The following TBL1XR1 variants were observed in gnomAD, a reference collection of about 807,000 sequenced individuals.
TBL1XR1 encodes F-box-like/WD repeat-containing protein TBL1XR1.
A neutral mutation model predicts 66.9 loss-of-function variants in TBL1XR1; 5 were observed. The ratio of observed to expected loss-of-function variants is 0.07; its 90% CI spans 0.04 to 0.16. TBL1XR1 has a LOEUF of 0.16. TBL1XR1 is among the 10% of genes least tolerant of loss of function. The probability of loss-of-function intolerance (pLI) is 1.00; values close to 1 mark genes in which losing one functional copy is unlikely to be tolerated. For missense variants in TBL1XR1, 238 were observed against 623.2 expected (o/e 0.38, Z 6.58); for synonymous variants, 210 against 206.0 (o/e 1.02, Z -0.17).
chr3:177,153,786 A>G (rs902857207), intron 1 of TBL1XR1, among the ~76,000 whole-genome samples: 5 of 151,264 alleles, frequency 3.3e-5, no homozygotes, highest in African/African-American at 1.2e-4. Flanking sequence ...TTGAGGCAGG[A>G]GAATCACTTG....
upstream of TBL1XR1, among the ~76,000 whole-genome samples, chr3:177,199,409 T>C (rs2109035347): frequency 6.6e-6 from 1 of 151,790 alleles, no homozygotes; most frequent in East Asian, 1.9e-4. Flanking sequence ...ATAAATGACG[T>C]AGATATCACT....
At chr3:177,032,758 CAAT>C (rs1238795300) in intron 14 of TBL1XR1, 2 of 387,910 alleles carry the variant, frequency 5.2e-6, no homozygotes, top group South Asian at 1.2e-4. Flanking sequence ...CAAAAGAATA[CAAT>C]AATAAATAAT....
chr3:177,035,565 C>T (rs937420267), intron 12 of TBL1XR1, among the ~76,000 whole-genome samples: 10 of 152,096 alleles, frequency 6.6e-5, no homozygotes, highest in African/African-American at 2.4e-4. Flanking sequence ...AGGCACCTGC[C>T]GCCACGCTCG....
At chr3:177,196,113 G>A (rs1417075813) in intron 1 of TBL1XR1, among the ~76,000 whole-genome samples, 1 of 152,142 alleles carries the variant, frequency 6.6e-6, no homozygotes, top group African/African-American at 2.4e-5. Flanking sequence ...ACTGCGAAGT[G>A]ATGCCTGTTT....
At chr3:177,065,125 G>T (rs543790242) in intron 2 of TBL1XR1, 103 bp from the exon 3 acceptor site, 4 of 748,126 alleles carry the variant, frequency 5.3e-6, no homozygotes, top group Non-Finnish European at 7.7e-6. Flanking sequence ...GATGTAAAAC[G>T]AAGGTTCTAC....
chr3:177,141,206 G>GCTTGGGGA (rs1162248366), intron 1 of TBL1XR1, among the ~76,000 whole-genome samples: 1 of 152,138 alleles, frequency 6.6e-6, no homozygotes, highest in African/African-American at 2.4e-5. Flanking sequence ...CCTCTAGAAA[G>GCTTGGGGA]CTTGGGGATG....
intron 7 of TBL1XR1, 194 bp from the exon 8 acceptor site, chr3:177,047,743 T>G: frequency 1.8e-6 from 1 of 570,964 alleles, no homozygotes; most frequent in African/African-American, 1.9e-5. Context: ...ACTAATGTTG[T>G]ATGGGGGCCT....
At chr3:177,139,740 A>T (rs1424572814) in intron 1 of TBL1XR1, among the ~76,000 whole-genome samples, 1 of 152,154 alleles carries the variant, frequency 6.6e-6, no homozygotes, top group Non-Finnish European at 1.5e-5. Context: ...AAGACATGCA[A>T]AAGTGGAGAA....
At chr3:177,040,263 C>T (rs570990345) in intron 10 of TBL1XR1, among the ~76,000 whole-genome samples, 3 of 152,234 alleles carry the variant, frequency 2.0e-5, no homozygotes, top group African/African-American at 7.2e-5. Flanking sequence ...TGCAGTGAGC[C>T]GTGATTGCAC....
At chr3:177,147,830 C>T (rs1005786525) in intron 1 of TBL1XR1, among the ~76,000 whole-genome samples, 6 of 152,154 alleles carry the variant, frequency 3.9e-5, no homozygotes, top group African/African-American at 1.4e-4. Context: ...ATAGGAGGTC[C>T]TGTAGGGAGA....
At chr3:177,151,441 A>G (rs1374037278) in intron 1 of TBL1XR1, among the ~76,000 whole-genome samples, 1 of 152,200 alleles carries the variant, frequency 6.6e-6, no homozygotes, top group Non-Finnish European at 1.5e-5. Flanking sequence ...CTACAGCATT[A>G]GATTCTCACA....
chr3:177,030,311 TAA>T (rs1713793836), intron 14 of TBL1XR1, among the ~76,000 whole-genome samples: 1 of 151,644 alleles, frequency 6.6e-6, no homozygotes, highest in East Asian at 1.9e-4. Flanking sequence ...ATGAATATAT[TAA>T]TATATTCATA....
chr3:177,139,862 T>C lies in TBL1XR1; in HGVS notation c.-121-41321A>G, dbSNP rs1211053389. On this transcript the variant is annotated intron_variant, in intron 1 of 15. Coordinates refer to ENST00000457928, the MANE Select transcript of TBL1XR1 (RefSeq NM_024665.7). The stretch of plus-strand genomic sequence containing the variant: ...ATTAAAAACAAATTAAAAATACCTG[T>C]AGTAACTGGAGTCTCACCAGTAAAA... Among the ~76,000 whole-genome samples, 4 of 152,252 alleles carry C rather than the reference T, an allele frequency of 2.6e-5. No individual in the cohort carries two copies. In the South Asian group the frequency reaches 8.3e-4, roughly 32 times the overall value.
intron 1 of TBL1XR1, among the ~76,000 whole-genome samples, chr3:177,100,291 T>A (rs1477768045): frequency 6.6e-6 from 1 of 152,246 alleles, no homozygotes; most frequent in Non-Finnish European, 1.5e-5. Flanking sequence ...ATTATTTATT[T>A]ACAGTGCTAT....
Position 177,192,780 on chromosome 3 carries a change from T to C in TBL1XR1, c.-122+4341A>G, listed in dbSNP as rs142811418. On this transcript the variant is annotated intron_variant, in intron 1 of 15. Coordinates refer to ENST00000457928, the MANE Select transcript of TBL1XR1 (RefSeq NM_024665.7). ...GGATGCTTAGAATGTCAACCATTGT[T>C]CTAAGTACCTCTCACACACTAACTG... is the stretch of plus-strand genomic sequence containing the variant. 9.8e-5 allele frequency among the ~76,000 whole-genome samples: 15 copies of C among 152,334 alleles called. No individual in the cohort carries two copies. In the East Asian group the frequency reaches 2.9e-3, roughly 29 times the overall value.
chr3:177,138,678 C>T (rs554518267), intron 1 of TBL1XR1, among the ~76,000 whole-genome samples: 3 of 151,978 alleles, frequency 2.0e-5, no homozygotes, highest in South Asian at 2.1e-4. Flanking sequence ...GAGAGCAGTA[C>T]AGCACAAAGA....
intron 2 of TBL1XR1, among the ~76,000 whole-genome samples, chr3:177,086,197 T>C (rs1347577230): frequency 2.0e-5 from 3 of 151,676 alleles, no homozygotes; most frequent in Non-Finnish European, 4.4e-5. Context: ...ATTCTAATAA[T>C]AATATTTTAT....
At chr3:177,170,310 C>T (rs976438111) in intron 1 of TBL1XR1, among the ~76,000 whole-genome samples, 1 of 152,166 alleles carries the variant, frequency 6.6e-6, no homozygotes, top group African/African-American at 2.4e-5. Flanking sequence ...AAAACACTTA[C>T]CTGTAGACCT....
intron 3 of TBL1XR1, among the ~76,000 whole-genome samples, chr3:177,058,468 A>G (rs187467150): frequency 3.9e-5 from 6 of 152,210 alleles, no homozygotes; most frequent in Non-Finnish European, 8.8e-5. Context: ...ATACTTTCTG[A>G]AATAATTTTA....
Sources: gnomAD v4.1 joint callset for allele counts (sites outside exome capture counted in the v4.1 genomes callset) on GRCh38, gnomAD v4.1.1 for gene constraint, MANE v1.5 for transcripts, NCBI Gene and HGNC (gene_info 2026-07-23, HGNC 2026-07-21) for gene names.